The following KCNK9 variants were observed in gnomAD, a reference collection of about 807,000 sequenced individuals.
KCNK9 encodes potassium two pore domain channel subfamily K member 9, also known as potassium channel subfamily K member 9.
KCNK9 carries 1 observed loss-of-function variant against 10.8 expected under a neutral mutation model. The observed-to-expected ratio is 0.09, with a 90% CI of 0.03 to 0.44. The LOEUF (loss-of-function observed/expected upper bound fraction) is 0.44. Ranked by LOEUF, KCNK9 falls within the 20% of genes least tolerant of loss-of-function variation. KCNK9 has a pLI of 0.97. For missense variants in KCNK9, 303 were observed against 515.0 expected, an observed-to-expected ratio of 0.59 and a Z score of 3.98; for synonymous variants, 231 against 222.7, an observed-to-expected ratio of 1.04 and a Z score of -0.33.
chr8:139,625,368 C>T (rs1479608312), intron 1 of KCNK9, among the ~76,000 whole-genome samples: 1 of 152,226 alleles, frequency 6.6e-6, no homozygotes. Flanking sequence ...ACTGGCCCTG[C>T]TGGGTAGTCA....
intron 1 of KCNK9, among the ~76,000 whole-genome samples, chr8:139,657,247 G>A (rs1816045528): frequency 6.6e-6 from 1 of 152,210 alleles, no homozygotes; most frequent in Non-Finnish European, 1.5e-5. Context: ...CCTTGGGTGG[G>A]TTGCTGAACC....
chr8:139,662,732 C>CA (rs1816190323), intron 1 of KCNK9, among the ~76,000 whole-genome samples: 1 of 151,984 alleles, frequency 6.6e-6, no homozygotes, highest in Non-Finnish European at 1.5e-5. Flanking sequence ...CATGAGCACC[C>CA]ACCCTGAACA....
At chr8:139,601,769 T>A (rs758224132) in intron 2 of KCNK9, among the ~76,000 whole-genome samples, 9 of 152,196 alleles carry the variant, frequency 5.9e-5, no homozygotes, top group Non-Finnish European at 1.2e-4. Context: ...AAGATTTTAT[T>A]GCATGTTAGG....
At chr8:139,626,691 C>G (rs2111569) in intron 1 of KCNK9, among the ~76,000 whole-genome samples, 1 of 152,332 alleles carries the variant, frequency 6.6e-6, no homozygotes, top group Admixed American at 6.5e-5. Context: ...CTGGGACAGG[C>G]TGCCCAGCAC....
At chr8:139,649,923 C>T (rs1419293217) in intron 1 of KCNK9, among the ~76,000 whole-genome samples, 2 of 152,174 alleles carry the variant, frequency 1.3e-5, no homozygotes, top group Admixed American at 6.5e-5. Flanking sequence ...TCTGCACTCC[C>T]CAAGGAAAGA....
At chr8:139,622,623 C>T (rs1248269096) in intron 1 of KCNK9, among the ~76,000 whole-genome samples, 3 of 152,222 alleles carry the variant, frequency 2.0e-5, no homozygotes, top group Non-Finnish European at 2.9e-5. Flanking sequence ...CCCCCCAAAC[C>T]TGCCTACGTG....
chr8:139,617,541 TTA>T lies in KCNK9; in HGVS notation c.*715_*716del, dbSNP rs923265976. ...CTTGCCCACCCGCCCCTAAAAAACA[TTA>T]ATATAATTTAGAACCTAGCATTTAG... On this transcript the variant is annotated 3_prime_UTR_variant, in exon 2 of 2. Transcript: ENST00000520439. Among the ~76,000 whole-genome samples the T allele has an allele frequency of 4.2e-4, 64 of 152,264 alleles. No individual in the cohort carries two copies. Among genetic ancestry groups the T allele is most frequent in the African/African-American group, 1.4e-3 (60 of 41,546 alleles).
chr8:139,646,301 A>G (rs1191072906), intron 1 of KCNK9, among the ~76,000 whole-genome samples: 1 of 152,200 alleles, frequency 6.6e-6, no homozygotes, highest in Non-Finnish European at 1.5e-5. Flanking sequence ...AAAGCCCAAC[A>G]CCAACAACGG....
intron 1 of KCNK9, among the ~76,000 whole-genome samples, chr8:139,645,112 C>T (rs114085355): frequency 0.017 from 2,523 of 152,312 alleles, 64 homozygotes; most frequent in African/African-American, 0.055. Flanking sequence ...GAGTGCAAGC[C>T]ATAGACCACA....
At chr8:139,660,449 A>ATAT (rs1554623942) in intron 1 of KCNK9, among the ~76,000 whole-genome samples, 69 of 131,186 alleles carry the variant, frequency 5.3e-4, no homozygotes, top group Admixed American at 1.2e-3. Flanking sequence ...GCTAAAAAAA[A>ATAT]ATATATATAT....
chr8:139,610,691 G>A (rs1039113391), downstream of KCNK9, among the ~76,000 whole-genome samples: 3 of 152,240 alleles, frequency 2.0e-5, no homozygotes, highest in Non-Finnish European at 2.9e-5. Flanking sequence ...GGGACATCTA[G>A]ATGGATAGTG....
chr8:139,674,607 AC>A (rs1360985281), intron 1 of KCNK9, among the ~76,000 whole-genome samples: 1 of 151,986 alleles, frequency 6.6e-6, no homozygotes, highest in African/African-American at 2.4e-5. Flanking sequence ...CCAACCCAAG[AC>A]CTCAGGACCC....
chr8:139,609,450 C>G (rs934300152), downstream of KCNK9, among the ~76,000 whole-genome samples: 1 of 152,230 alleles, frequency 6.6e-6, no homozygotes, highest in Non-Finnish European at 1.5e-5. Flanking sequence ...AAAGAGAACC[C>G]TGGAGTGAGG....
chr8:139,664,523 C>G (rs887659619), intron 1 of KCNK9, among the ~76,000 whole-genome samples: 2 of 152,164 alleles, frequency 1.3e-5, no homozygotes, highest in African/African-American at 2.4e-5. Context: ...CTCAAGCCCC[C>G]CAACAAACCT....
At chr8:139,695,136 T>C (rs941347755) in intron 1 of KCNK9, among the ~76,000 whole-genome samples, 2 of 152,234 alleles carry the variant, frequency 1.3e-5, no homozygotes, top group African/African-American at 4.8e-5. Context: ...GGGTTTGTAT[T>C]TGGGACCATA....
chr8:139,657,957 C>T (rs1222728555), intron 1 of KCNK9, among the ~76,000 whole-genome samples: 3 of 152,150 alleles, frequency 2.0e-5, no homozygotes, highest in African/African-American at 7.2e-5. Context: ...ACAGGACAGG[C>T]AGAGGAGATG....
intron 1 of KCNK9, among the ~76,000 whole-genome samples, chr8:139,655,510 G>A (rs1281295135): frequency 6.6e-6 from 1 of 152,174 alleles, no homozygotes; most frequent in Non-Finnish European, 1.5e-5. Context: ...AGGTCCAGGT[G>A]AAAGAACACC....
At chr8:139,667,808 G>C (rs908253193) in intron 1 of KCNK9, among the ~76,000 whole-genome samples, 10 of 152,124 alleles carry the variant, frequency 6.6e-5, no homozygotes, top group African/African-American at 2.4e-4. Flanking sequence ...CATTGCACGG[G>C]AGGCAGAGCT....
chr8:139,618,195 G>T lies in KCNK9; in HGVS notation c.*63C>A. On this transcript the variant is annotated 3_prime_UTR_variant, in exon 2 of 2. Transcript: ENST00000520439. This position sits in a 1 kb window ranked among gnomAD's most constrained non-coding sequence, Gnocchi z 7.9. Reference sequence around the variant, plus strand: ...TAAATAAATAAGAAAAGACGAGTTGGACCAATGGAAATTAACACCAACTAT... The same window carrying T: ...TAAATAAATAAGAAAAGACGAGTTGTACCAATGGAAATTAACACCAACTAT... The T allele has an allele frequency of 6.3e-7, 1 of 1,598,544 alleles. No individual in the cohort carries two copies. Among genetic ancestry groups the T allele is most frequent in the Non-Finnish European group, 8.6e-7 (1 of 1,166,324 alleles).
Sources: gnomAD v4.1 joint callset for allele counts (sites outside exome capture counted in the v4.1 genomes callset) on GRCh38, gnomAD v4.1.1 for gene constraint, Gnocchi (gnomAD v3.1) non-coding constraint, MANE v1.5 for transcripts, NCBI Gene and HGNC (gene_info 2026-07-23, HGNC 2026-07-21) for gene names.